ZNF569: variants seen among roughly 807,000 people sequenced by gnomAD.
The protein encoded by ZNF569 is zinc finger protein 569.
In ZNF569, 38 loss-of-function variants were observed where a neutral mutation model predicts 56.3. The observed-to-expected ratio is 0.68, with a 90% CI of 0.52 to 0.88. The LOEUF (loss-of-function observed/expected upper bound fraction) is 0.88. Among genes scored for constraint, ZNF569 ranks in the 40% least tolerant of loss-of-function variants. The pLI is 0.00. For synonymous variants in ZNF569, 241 were observed against 262.9 expected (o/e 0.92, Z 0.81); for missense variants, 666 against 809.2 (o/e 0.82, Z 2.15).
chr19:37,453,602 T>C (rs780283981), intron 2 of ZNF569, among the ~76,000 whole-genome samples: 39 of 152,188 alleles, frequency 2.6e-4, no homozygotes, highest in Non-Finnish European at 4.6e-4. Flanking sequence ...CAATAGACAA[T>C]TTTTTTCTTG....
intron 5 of ZNF569, among the ~76,000 whole-genome samples, chr19:37,415,437 C>T (rs891479205): frequency 3.3e-5 from 5 of 152,010 alleles, no homozygotes; most frequent in African/African-American, 1.2e-4. Flanking sequence ...AAGTACAGTA[C>T]AGCCCAAACA....
intron 2 of ZNF569, among the ~76,000 whole-genome samples, chr19:37,462,626 T>A (rs2146979375): frequency 6.6e-6 from 1 of 152,296 alleles, no homozygotes; most frequent in South Asian, 2.1e-4. Context: ...CATTCTTCCC[T>A]TGGTTTCCAG....
At chr19:37,458,140 G>C (rs1200941352) in intron 2 of ZNF569, among the ~76,000 whole-genome samples, 1 of 152,118 alleles carries the variant, frequency 6.6e-6, no homozygotes, top group Non-Finnish European at 1.5e-5. Context: ...CAAAGTGCTA[G>C]GATTATAGGC....
chr19:37,451,340 C>T (rs1221792170), intron 2 of ZNF569, among the ~76,000 whole-genome samples: 1 of 147,112 alleles, frequency 6.8e-6, no homozygotes, highest in Non-Finnish European at 1.5e-5. Context: ...GCGGAGGTTG[C>T]AGTGAGCCGA....
chr19:37,445,029 G>A (rs2041469842), intron 2 of ZNF569, 65 bp from the exon 3 acceptor site: 3 of 1,319,678 alleles, frequency 2.3e-6, no homozygotes, highest in Non-Finnish European at 3.2e-6. Flanking sequence ...TGCACACACA[G>A]GGTGGATTAA....
intron 2 of ZNF569, among the ~76,000 whole-genome samples, chr19:37,450,381 A>C (rs1489157620): frequency 1.3e-5 from 2 of 152,276 alleles, no homozygotes; most frequent in East Asian, 3.9e-4. Flanking sequence ...TAATCTTGGT[A>C]GTTCGTATGT....
At chr19:37,463,045 A>G (rs2041779186) in intron 2 of ZNF569, among the ~76,000 whole-genome samples, 1 of 152,162 alleles carries the variant, frequency 6.6e-6, no homozygotes, top group African/African-American at 2.4e-5. Context: ...TCAGTTAATG[A>G]CACACCCATT....
chr19:37,457,678 G>A (rs1319844100), intron 2 of ZNF569, among the ~76,000 whole-genome samples: 4 of 147,686 alleles, frequency 2.7e-5, no homozygotes, highest in African/African-American at 1.0e-4. Context: ...CACACACTGG[G>A]GCCTGTCATG....
chr19:37,443,571 T>C (rs1016468461), intron 3 of ZNF569, among the ~76,000 whole-genome samples: 5 of 152,162 alleles, frequency 3.3e-5, no homozygotes, highest in African/African-American at 1.2e-4. Context: ...TACATTCTAG[T>C]GGTTAAAATT....
At chr19:37,417,694 C>T (rs1016741493) in intron 5 of ZNF569, among the ~76,000 whole-genome samples, 9 of 152,256 alleles carry the variant, frequency 5.9e-5, no homozygotes, top group South Asian at 2.1e-4. Flanking sequence ...CAGTTTAAAG[C>T]GGTTTCAATA....
intron 5 of ZNF569, among the ~76,000 whole-genome samples, chr19:37,420,200 G>A (rs2041010264): frequency 6.6e-6 from 1 of 151,898 alleles, no homozygotes; most frequent in Non-Finnish European, 1.5e-5. Context: ...ATGTTGGCCA[G>A]GCTAGTCTCG....
intron 3 of ZNF569, among the ~76,000 whole-genome samples, chr19:37,443,994 G>A (rs1271228277): frequency 2.0e-5 from 3 of 151,972 alleles, no homozygotes; most frequent in Non-Finnish European, 4.4e-5. Flanking sequence ...CTCCAGCTTG[G>A]GCAACAGAGC....
chr19:37,464,675 TG>T (rs2146984309), intron 2 of ZNF569, among the ~76,000 whole-genome samples: 1 of 152,322 alleles, frequency 6.6e-6, no homozygotes, highest in Admixed American at 6.5e-5. Flanking sequence ...ATCTAGGTTG[TG>T]TAAGTATACT....
chr19:37,460,432 C>A (rs2041739063), intron 2 of ZNF569, among the ~76,000 whole-genome samples: 1 of 152,042 alleles, frequency 6.6e-6, no homozygotes, highest in South Asian at 2.1e-4. Flanking sequence ...CATGAGCCAC[C>A]ACGCCTGGCC....
chr19:37,450,616 TATTTA>T (rs1428059286), intron 2 of ZNF569, among the ~76,000 whole-genome samples: 5 of 152,292 alleles, frequency 3.3e-5, no homozygotes, highest in East Asian at 1.9e-4. Context: ...GTCACTTTTC[TATTTA>T]ATTTATTTAT....
chr19:37,453,275 G>A (rs2041623592), intron 2 of ZNF569, among the ~76,000 whole-genome samples: 1 of 152,132 alleles, frequency 6.6e-6, no homozygotes, highest in African/African-American at 2.4e-5. Flanking sequence ...CTCCCTACTA[G>A]CTTCACTAGT....
In ZNF569 at chr19:37,418,500, T is replaced by C. The variant is rs770739120; in HGVS notation, c.239-4081A>G. ...TAGATGTAAACATAATTTTAGCAGA[T>C]GGAAGAAGATGAAAGGACTATTATC... On this transcript the variant is annotated intron_variant, in intron 5 of 5. Transcript: ENST00000316950. 4.2e-4 allele frequency among the ~76,000 whole-genome samples: 63 copies of C among 151,804 alleles called. 1 individual carries two copies. The highest frequency in any genetic ancestry group is 6.9e-4 in the Non-Finnish European group (47 of 67,930).
At chr19:37,415,608 T>C (rs111462350) in intron 5 of ZNF569, among the ~76,000 whole-genome samples, 27,804 of 151,704 alleles carry the variant, frequency 0.18, 2,577 homozygotes, top group Middle Eastern at 0.28. Flanking sequence ...CGGTGGCTCA[T>C]GCCTATAATC....
chr19:37,447,344 T>C (rs914336547), intron 2 of ZNF569, among the ~76,000 whole-genome samples: 3 of 152,136 alleles, frequency 2.0e-5, no homozygotes, highest in Non-Finnish European at 4.4e-5. Flanking sequence ...AACCAGCCTA[T>C]ATATAAAAAG....
Sources: allele counts gnomAD v4.1 joint callset (sites outside exome capture counted in the v4.1 genomes callset), GRCh38; gene constraint gnomAD v4.1.1; transcripts MANE v1.5; gene names NCBI Gene and HGNC (gene_info 2026-07-23, HGNC 2026-07-21).